PCDHGA3: variants seen among roughly 807,000 people sequenced by gnomAD.
The protein encoded by PCDHGA3 is protocadherin gamma-A3.
PCDHGA3 carries 40 observed loss-of-function variants against 58.5 expected under a neutral mutation model. The observed-to-expected ratio is 0.68, with a 90% CI of 0.53 to 0.89. The LOEUF (loss-of-function observed/expected upper bound fraction) is 0.89. Among genes scored for constraint, PCDHGA3 ranks in the 40% least tolerant of loss-of-function variants. The pLI is 0.00. For synonymous variants in PCDHGA3, 530 were observed against 525.7 expected (o/e 1.01, Z -0.11); for missense variants, 1,223 against 1,195.9 (o/e 1.02, Z -0.33).
chr5:141,477,265 G>A lies in PCDHGA3; in HGVS notation c.2425-17542G>A. The A allele has an allele frequency of 6.2e-7, 1 of 1,614,198 alleles. No individual in the cohort carries two copies. Among genetic ancestry groups the A allele is most frequent in the African/African-American group, 1.3e-5 (1 of 75,048 alleles). On this transcript the variant is annotated intron_variant, in intron 1 of 3. Transcript: ENST00000253812. The surrounding 1 kb of genome is among the most constrained non-coding windows in gnomAD (Gnocchi z 4.9). ...GTGTGACTGACCTGGATGCTGGCGA[G>A]AACGGGCTGGTGACCTGCGAAGTTC...
At chr5:141,387,608 G>C (rs562428819) in intron 1 of PCDHGA3, 221 of 551,402 alleles carry the variant, frequency 4.0e-4, no homozygotes, top group Non-Finnish European at 6.6e-4. Context: ...AGAGGCTGTA[G>C]TTTCCTAGTG....
At chr5:141,421,489 G>T (rs754141447) in intron 1 of PCDHGA3, 9 of 1,614,094 alleles carry the variant, frequency 5.6e-6, no homozygotes, top group Non-Finnish European at 7.6e-6. Context: ...CTTGATCACG[G>T]CAGGCAGGAT....
chr5:141,463,142 C>T (rs1229364880), intron 1 of PCDHGA3, among the ~76,000 whole-genome samples: 1 of 152,160 alleles, frequency 6.6e-6, no homozygotes, highest in Non-Finnish European at 1.5e-5. Context: ...CTTCGCCCAG[C>T]TGCAGAAAAG....
At chr5:141,383,978 C>T in intron 1 of PCDHGA3, 1 of 1,613,752 alleles carries the variant, frequency 6.2e-7, no homozygotes, top group Non-Finnish European at 8.5e-7. Context: ...CCTGAAGACA[C>T]ACCTCTTGGG....
chr5:141,423,720 A>G, intron 1 of PCDHGA3: 1 of 957,774 alleles, frequency 1.0e-6, no homozygotes, highest in East Asian at 6.0e-5. Flanking sequence ...TTTTAAGGAG[A>G]TGTTTTTTGA....
At chr5:141,358,893 T>C (rs1192445268) in intron 1 of PCDHGA3, among the ~76,000 whole-genome samples, 1 of 152,250 alleles carries the variant, frequency 6.6e-6, no homozygotes, top group African/African-American at 2.4e-5. Flanking sequence ...GGGATTATTT[T>C]ATATGAGGGA....
At chr5:141,398,293 T>A in intron 1 of PCDHGA3, 1 of 1,383,344 alleles carries the variant, frequency 7.2e-7, no homozygotes, top group Non-Finnish European at 9.9e-7. Flanking sequence ...GGACCTGGGG[T>A]TCAGCGTCCA....
At chr5:141,427,557 A>G (rs1437024906) in intron 1 of PCDHGA3, 1 of 650,060 alleles carries the variant, frequency 1.5e-6, no homozygotes, top group Non-Finnish European at 2.8e-6. Flanking sequence ...TGCCACTGAC[A>G]AGGGCAAGCC....
At chr5:141,389,195 C>T (rs764168847) in intron 1 of PCDHGA3, 2 of 1,614,052 alleles carry the variant, frequency 1.2e-6, no homozygotes, top group Non-Finnish European at 1.7e-6. Flanking sequence ...CCAGCATCAC[C>T]CTGCACATTG....
At position 141,409,941 on chromosome 5, in the gene PCDHGA3, G is replaced by C. The variant is rs757414302; in HGVS notation, c.2424+63484G>C. ...TCCGCGTTCTTCGATATGGTACCTC[G>C]CTCTGCAGAGCCCGGCTACCTAGTG... On this transcript the variant is annotated intron_variant, in intron 1 of 3. Transcript: ENST00000253812. 1.9e-6 allele frequency: 3 copies of C among 1,613,226 alleles called. No homozygotes were observed. In the South Asian group the frequency reaches 3.3e-5, roughly 18 times the overall value.
At chr5:141,374,931 A>C in intron 1 of PCDHGA3, 1 of 1,614,022 alleles carries the variant, frequency 6.2e-7, no homozygotes, top group Non-Finnish European at 8.5e-7. Flanking sequence ...TCCTTTGTGA[A>C]GATTACAGAA....
At chr5:141,412,273 C>T (rs1007252273) in intron 1 of PCDHGA3, 4 of 152,206 alleles carry the variant, frequency 2.6e-5, no homozygotes, top group Admixed American at 6.5e-5. Flanking sequence ...ACTTTTAGTA[C>T]TTCAAATTCT....
intron 2 of PCDHGA3, among the ~76,000 whole-genome samples, chr5:141,497,539 C>A (rs2099777336): frequency 6.9e-6 from 1 of 145,274 alleles, no homozygotes; most frequent in African/African-American, 2.6e-5. Context: ...ATGCAACAAA[C>A]CTTTTTTTTT....
chr5:141,447,742 T>G (rs1440015460), intron 1 of PCDHGA3, among the ~76,000 whole-genome samples: 3 of 152,056 alleles, frequency 2.0e-5, no homozygotes, highest in Non-Finnish European at 4.4e-5. Flanking sequence ...AACTTAAGAG[T>G]CTTGCATGTG....
At position 141,485,614 on chromosome 5, in the gene PCDHGA3, T is replaced by G; in HGVS notation, c.2425-9193T>G. 1 of 1,612,236 alleles carries G rather than the reference T, an allele frequency of 6.2e-7. No individual in the cohort carries two copies. Among genetic ancestry groups the G allele is most frequent in the Non-Finnish European group, 8.5e-7 (1 of 1,178,686 alleles). On this transcript the variant is annotated intron_variant, in intron 1 of 3. Transcript: ENST00000253812. The surrounding 1 kb of genome is among the most constrained non-coding windows in gnomAD (Gnocchi z 5.7). ...ACTTGGAAATTGGGGAGGCAGCTCC[T>G]CCAGGACAGCGTTTCCCGTTGGAAA...
At chr5:141,366,701 C>T (rs1764751877) in intron 1 of PCDHGA3, 2 of 1,614,262 alleles carry the variant, frequency 1.2e-6, no homozygotes, top group Non-Finnish European at 1.7e-6. Flanking sequence ...AAGCGAGCCT[C>T]TTCTGATGTC....
intron 1 of PCDHGA3, among the ~76,000 whole-genome samples, chr5:141,439,495 C>A (rs142329128): frequency 6.6e-6 from 1 of 152,206 alleles, no homozygotes; most frequent in Non-Finnish European, 1.5e-5. Context: ...CAGTGAGAAA[C>A]GTCTTTCTCT....
chr5:141,462,774 A>G (rs890366708), intron 1 of PCDHGA3, among the ~76,000 whole-genome samples: 1 of 152,126 alleles, frequency 6.6e-6, no homozygotes, highest in Admixed American at 6.6e-5. Context: ...GCTTGGGGTC[A>G]TAATTTGTTG....
chr5:141,440,905 C>A (rs986711694), intron 1 of PCDHGA3: 1 of 152,184 alleles, frequency 6.6e-6, no homozygotes, highest in East Asian at 1.9e-4. Context: ...TGCATCCGGG[C>A]ACTCCTGTGC....
Sources: allele counts gnomAD v4.1 joint callset (sites outside exome capture counted in the v4.1 genomes callset), GRCh38; gene constraint gnomAD v4.1.1; non-coding constraint Gnocchi (gnomAD v3.1); transcripts MANE v1.5; gene names NCBI Gene and HGNC (gene_info 2026-07-23, HGNC 2026-07-21).